The following SEMA3A variants were observed in gnomAD, a reference collection of about 807,000 sequenced individuals.
The protein encoded by SEMA3A is semaphorin 3A, also known as semaphorin-3A.
SEMA3A carries 29 observed loss-of-function variants against 97.9 expected under a neutral mutation model. That is an observed-to-expected ratio of 0.30 (90% CI 0.22 to 0.40). The LOEUF (loss-of-function observed/expected upper bound fraction) is 0.40. SEMA3A is among the 10% of genes least tolerant of loss of function. SEMA3A has a pLI of 1.00. For synonymous variants in SEMA3A, 321 were observed against 323.7 expected, an observed-to-expected ratio of 0.99 and a Z score of 0.09; for missense variants, 763 against 951.3, an observed-to-expected ratio of 0.80 and a Z score of 2.60.
chr7:84,147,580 A>T (rs1002111604), intron 1 of SEMA3A, among the ~76,000 whole-genome samples: 1 of 152,202 alleles, frequency 6.6e-6, no homozygotes, highest in African/African-American at 2.4e-5. Context: ...GATCAGAGAG[A>T]CAGGCTTGTG....
At chr7:84,438,602 C>T (rs901135945) in intron 1 of SEMA3A, among the ~76,000 whole-genome samples, 48 of 152,124 alleles carry the variant, frequency 3.2e-4, no homozygotes, top group African/African-American at 1.0e-3. Flanking sequence ...AGAAAACCAT[C>T]GGGAAGTCAT....
chr7:84,135,204 G>C (rs1295008175), intron 1 of SEMA3A, among the ~76,000 whole-genome samples: 1 of 149,804 alleles, frequency 6.7e-6, no homozygotes, highest in Admixed American at 6.7e-5. Context: ...ACAACCTCCC[G>C]AGTTCAAGCG....
chr7:84,400,809 A>G (rs559759452), intron 1 of SEMA3A, among the ~76,000 whole-genome samples: 99 of 152,350 alleles, frequency 6.5e-4, no homozygotes, highest in Middle Eastern at 3.4e-3. Flanking sequence ...AAAGCATTCA[A>G]TAACATTCAA....
intron 2 of SEMA3A, among the ~76,000 whole-genome samples, chr7:84,355,968 T>G (rs183583378): frequency 1.5e-4 from 23 of 151,964 alleles, no homozygotes; most frequent in Admixed American, 1.2e-3. Context: ...TATCGTATAC[T>G]GAAAGGAAAT....
intron 4 of SEMA3A, among the ~76,000 whole-genome samples, chr7:84,063,971 A>C (rs1209568887): frequency 6.6e-6 from 1 of 151,034 alleles, no homozygotes; most frequent in African/African-American, 2.4e-5. Flanking sequence ...TAATTGTCAG[A>C]TTCACCAAAG....
intron 3 of SEMA3A, among the ~76,000 whole-genome samples, chr7:84,122,444 GC>G (rs2115991904): frequency 6.6e-6 from 1 of 152,138 alleles, no homozygotes; most frequent in South Asian, 2.1e-4. Flanking sequence ...AAAAAAGCAT[GC>G]AAAAAGCTAG....
At chr7:84,212,008 A>G (rs1416396500) in intron 3 of SEMA3A, among the ~76,000 whole-genome samples, 1 of 152,198 alleles carries the variant, frequency 6.6e-6, no homozygotes, top group African/African-American at 2.4e-5. Flanking sequence ...CCACGTAGAA[A>G]CTGTTACAAC....
At chr7:84,382,750 T>C (rs913857598) in intron 1 of SEMA3A, among the ~76,000 whole-genome samples, 6 of 139,372 alleles carry the variant, frequency 4.3e-5, no homozygotes, top group South Asian at 4.7e-4. Flanking sequence ...TGGTGGTGGG[T>C]GCCTGTAGTT....
At chr7:84,339,191 T>C (rs1300474320) in intron 2 of SEMA3A, among the ~76,000 whole-genome samples, 2 of 151,234 alleles carry the variant, frequency 1.3e-5, no homozygotes, top group Non-Finnish European at 2.9e-5. Flanking sequence ...TGCCCTCTAT[T>C]TGGTGTGGGT....
chr7:83,994,346 C>A lies in SEMA3A; in HGVS notation c.1452+7609G>T, dbSNP rs1176503115. ...AAGTCATTCTCCATCCAGCTTTGTT[C>A]CGTTGCTGGTGAGGAACTGCGTTCC... is the stretch of plus-strand genomic sequence containing the variant. On this transcript the variant is annotated intron_variant, in intron 12 of 16. Transcript: ENST00000265362. 4.2e-5 allele frequency among the ~76,000 whole-genome samples: 5 copies of A among 118,200 alleles called. 1 individual carries two copies. 77.5% of individuals were successfully genotyped at this position (118,200 alleles called of 152,430 possible).
At chr7:84,255,837 A>T (rs1008613911) in intron 3 of SEMA3A, among the ~76,000 whole-genome samples, 1 of 152,068 alleles carries the variant, frequency 6.6e-6, no homozygotes, top group Non-Finnish European at 1.5e-5. Context: ...TGCCAACTGA[A>T]AAAACAGGCA....
intron 4 of SEMA3A, among the ~76,000 whole-genome samples, chr7:84,101,335 A>T (rs1317162118): frequency 6.6e-6 from 1 of 152,254 alleles, no homozygotes; most frequent in South Asian, 2.1e-4. Flanking sequence ...CCTCCTTTTC[A>T]CTATTCCAGA....
chr7:84,342,804 A>G (rs1802202362), intron 2 of SEMA3A, among the ~76,000 whole-genome samples: 1 of 152,242 alleles, frequency 6.6e-6, no homozygotes. Flanking sequence ...GTAAGGAATT[A>G]TAGAGATGAG....
At chr7:83,965,650 ATATATATATATATAT>A (rs1788651281) in intron 15 of SEMA3A, among the ~76,000 whole-genome samples, 1 of 9,986 alleles carries the variant, frequency 1.0e-4, no homozygotes, top group South Asian at 4.1e-3. Context: ...ATATATATAT[ATATATATATATATAT>A]ATTTTTTTTT....
chr7:84,306,775 C>T (rs1801166983), intron 3 of SEMA3A, among the ~76,000 whole-genome samples: 1 of 152,004 alleles, frequency 6.6e-6, no homozygotes, highest in African/African-American at 2.4e-5. Flanking sequence ...TGGCACTCAG[C>T]CTTTGAGTGG....
intron 3 of SEMA3A, among the ~76,000 whole-genome samples, chr7:84,204,431 TGGA>T (rs1798438005): frequency 6.6e-6 from 1 of 152,172 alleles, no homozygotes; most frequent in African/African-American, 2.4e-5. Flanking sequence ...CCTGACACTG[TGGA>T]GTCGGATTTT....
intron 3 of SEMA3A, among the ~76,000 whole-genome samples, chr7:84,274,446 G>A (rs1355273510): frequency 6.6e-6 from 1 of 152,106 alleles, no homozygotes; most frequent in African/African-American, 2.4e-5. Context: ...CTGTCACTTT[G>A]CATCAGTCTG....
chr7:84,158,860 T>C (rs892508420), intron 1 of SEMA3A, among the ~76,000 whole-genome samples: 2 of 152,048 alleles, frequency 1.3e-5, no homozygotes, highest in African/African-American at 2.4e-5. Context: ...CACAAGATAA[T>C]AGCAAAGAAA....
intron 3 of SEMA3A, among the ~76,000 whole-genome samples, chr7:84,279,578 TG>T (rs1262916227): frequency 2.0e-5 from 3 of 152,174 alleles, no homozygotes; most frequent in Admixed American, 6.6e-5. Flanking sequence ...TTGGAGTAAT[TG>T]CCTGGGACAA....
Sources: allele counts gnomAD v4.1 joint callset (sites outside exome capture counted in the v4.1 genomes callset), GRCh38; gene constraint gnomAD v4.1.1; transcripts MANE v1.5; gene names NCBI Gene and HGNC (gene_info 2026-07-23, HGNC 2026-07-21).